Variants in PACRG observed in about 807,000 individuals in gnomAD.
PACRG encodes parkin coregulated.
Under a neutral mutation model 29.7 loss-of-function variants are expected in PACRG, and 29 were observed. That is an observed-to-expected ratio of 0.98 (90% CI 0.73 to 1.33). PACRG has a LOEUF of 1.33. PACRG is among the 40% of genes most tolerant of loss of function. The pLI is 0.00. For missense variants in PACRG, 279 were observed against 316.2 expected (o/e 0.88, Z 0.89); for synonymous variants, 116 against 118.7 (o/e 0.98, Z 0.15).
intron 4 of PACRG, among the ~76,000 whole-genome samples, chr6:163,194,814 G>T (rs949006625): frequency 1.3e-5 from 2 of 152,098 alleles, no homozygotes; most frequent in Non-Finnish European, 2.9e-5. Context: ...AGACTGGAGT[G>T]CAATGCCCCC....
chr6:162,781,769 T>C (rs1402253729), intron 1 of PACRG, among the ~76,000 whole-genome samples: 1 of 151,592 alleles, frequency 6.6e-6, no homozygotes, highest in Non-Finnish European at 1.5e-5. Flanking sequence ...TAAATAATTA[T>C]AGCTAGTAAG....
intron 1 of PACRG, among the ~76,000 whole-genome samples, chr6:162,808,849 CATGAA>C (rs1786587922): frequency 6.6e-6 from 1 of 152,050 alleles, no homozygotes; most frequent in Non-Finnish European, 1.5e-5. Flanking sequence ...ATTCTTAAAA[CATGAA>C]ATAAAATTTA....
intron 1 of PACRG, 144 bp downstream of exon 1, chr6:162,728,535 C>A: frequency 1.1e-6 from 1 of 952,072 alleles, no homozygotes; most frequent in Non-Finnish European, 1.5e-6. Context: ...AAGTAGCAAA[C>A]GGTGCCCCAC....
chr6:163,293,777 T>A (rs578180012), intron 4 of PACRG, among the ~76,000 whole-genome samples: 2 of 152,304 alleles, frequency 1.3e-5, no homozygotes, highest in East Asian at 3.9e-4. Flanking sequence ...GTGTTGTGAT[T>A]TTTAAGTAGA....
At chr6:162,832,066 C>A (rs1014405457) in intron 2 of PACRG, among the ~76,000 whole-genome samples, 2 of 152,164 alleles carry the variant, frequency 1.3e-5, no homozygotes, top group African/African-American at 2.4e-5. Flanking sequence ...GGCTCTAGGT[C>A]TTTGAGGAAT....
At chr6:163,142,118 G>C (rs1777563659) in intron 4 of PACRG, among the ~76,000 whole-genome samples, 1 of 152,016 alleles carries the variant, frequency 6.6e-6, no homozygotes, top group South Asian at 2.1e-4. Context: ...ATAAGCTAAA[G>C]CACTGGATGA....
intron 4 of PACRG, among the ~76,000 whole-genome samples, chr6:163,276,007 C>CTTT (rs760285333): frequency 5.7e-4 from 82 of 144,640 alleles, no homozygotes; most frequent in East Asian, 3.4e-3. Context: ...TTCCTTCCTT[C>CTTT]CTTCTTTCTT....
At chr6:163,126,534 C>A (rs1249507053) in intron 4 of PACRG, among the ~76,000 whole-genome samples, 1 of 152,190 alleles carries the variant, frequency 6.6e-6, no homozygotes, top group East Asian at 1.9e-4. Flanking sequence ...CACAATAATT[C>A]TCTCTGTCTC....
chr6:162,735,147 G>A (rs974283561), intron 1 of PACRG, among the ~76,000 whole-genome samples: 3 of 152,012 alleles, frequency 2.0e-5, no homozygotes, highest in Admixed American at 1.3e-4. Flanking sequence ...TCGCTTCCTC[G>A]ATGGGTATTT....
chr6:162,945,889 AAAC>A (rs1298989833), intron 2 of PACRG, among the ~76,000 whole-genome samples: 6 of 152,172 alleles, frequency 3.9e-5, no homozygotes, highest in Non-Finnish European at 8.8e-5. Flanking sequence ...CATGGAAATT[AAAC>A]AACATGTTCC....
At chr6:162,830,929 T>C (rs1320222154) in intron 2 of PACRG, among the ~76,000 whole-genome samples, 3 of 152,232 alleles carry the variant, frequency 2.0e-5, no homozygotes, top group African/African-American at 7.2e-5. Flanking sequence ...TACTCATTTA[T>C]TCAAGAAACA....
At chr6:163,309,630 C>A (rs1342338094) in intron 4 of PACRG, among the ~76,000 whole-genome samples, 1 of 152,216 alleles carries the variant, frequency 6.6e-6, no homozygotes, top group Non-Finnish European at 1.5e-5. Context: ...TTTCCTGATT[C>A]ACTCAGGTGG....
At position 163,100,134 on chromosome 6, in the gene PACRG, G is replaced by A. The variant is rs537797511; in HGVS notation, c.613+10726G>A. ...AGGAGCCGAGGACAGCCAGGTGGAG[G>A]CGGCTACGGCTCGGCCCGAACCCAC... On this transcript the variant is annotated intron_variant, in intron 4 of 4. Coordinates refer to ENST00000366888, the MANE Select transcript of PACRG (RefSeq NM_001080379.2). Among the ~76,000 whole-genome samples the A allele has an allele frequency of 2.6e-5, 4 of 152,152 alleles. No individual in the cohort carries two copies. In the South Asian group the frequency reaches 6.2e-4, roughly 24 times the overall value.
intron 1 of PACRG, among the ~76,000 whole-genome samples, chr6:162,809,444 A>T (rs1280011119): frequency 6.6e-6 from 1 of 152,222 alleles, no homozygotes; most frequent in Non-Finnish European, 1.5e-5. Flanking sequence ...AAGGCTTTCC[A>T]TGGAAGTGCA....
chr6:163,177,710 A>ATTGTTTTTTTT (rs1779441451), intron 4 of PACRG, among the ~76,000 whole-genome samples: 1 of 53,744 alleles, frequency 1.9e-5, no homozygotes, highest in Non-Finnish European at 3.1e-5. Flanking sequence ...TAGAAAAGGG[A>ATTGTTTTTTTT]TTTTTTTTTT....
At chr6:162,952,081 G>C (rs1799695531) in intron 2 of PACRG, among the ~76,000 whole-genome samples, 1 of 152,140 alleles carries the variant, frequency 6.6e-6, no homozygotes, top group African/African-American at 2.4e-5. Context: ...GAAATGACAG[G>C]GGTAATGATC....
chr6:163,036,747 A>G (rs896811335), intron 2 of PACRG, among the ~76,000 whole-genome samples: 4 of 152,214 alleles, frequency 2.6e-5, no homozygotes, highest in Non-Finnish European at 4.4e-5. Context: ...ATTTCCACAC[A>G]CTAAAGTAGA....
intron 4 of PACRG, among the ~76,000 whole-genome samples, chr6:163,143,235 A>T (rs1205656): frequency 0.34 from 51,642 of 151,912 alleles, 9,147 homozygotes; most frequent in East Asian, 0.55. Flanking sequence ...ATAAAAAAAT[A>T]AAAAGTTCAT....
chr6:163,298,000 C>A (rs1218180780), intron 4 of PACRG, among the ~76,000 whole-genome samples: 1 of 152,080 alleles, frequency 6.6e-6, no homozygotes, highest in South Asian at 2.1e-4. Flanking sequence ...AGGTGGTGGC[C>A]CGGGATACCT....
Sources: gnomAD v4.1 joint callset for allele counts (sites outside exome capture counted in the v4.1 genomes callset) on GRCh38, gnomAD v4.1.1 for gene constraint, MANE v1.5 for transcripts, NCBI Gene and HGNC (gene_info 2026-07-23, HGNC 2026-07-21) for gene names.